VWDE: variants seen among roughly 807,000 people sequenced by gnomAD.
VWDE encodes the protein von Willebrand factor D and EGF domain-containing protein.
In VWDE, 207 loss-of-function variants were observed where a neutral mutation model predicts 178.4. The ratio of observed to expected loss-of-function variants is 1.16; its 90% CI spans 1.04 to 1.30. The LOEUF (loss-of-function observed/expected upper bound fraction) is 1.30. Ranked by LOEUF, VWDE falls within the 50% of genes most tolerant of loss-of-function variation. VWDE has a pLI of 0.00. For missense variants in VWDE, 2,287 were observed against 1,901.3 expected (o/e 1.20, Z -3.77); for synonymous variants, 738 against 651.4 (o/e 1.13, Z -2.02).
In VWDE at chr7:12,370,111, G is replaced by A; in HGVS notation, c.2195C>T (p.Thr732Ile). ...SLQYLANKKY[T>I]QGRGSHSQEM... ...TTGGCTGTGGCTTCCCCGGCCTTGT[G>A]TATATTTCTTATTGGCCAAATATTG... Residue 732 changes from threonine (T) to isoleucine (I), a missense_variant, in exon 12 of 29, where the codon ACA (threonine) becomes ATA (isoleucine). By Grantham distance (89) the Thr-to-Ile change is moderately conservative. Transcript: ENST00000275358. The A allele has an allele frequency of 1.9e-6, 3 of 1,551,450 alleles. No homozygotes were observed. Among genetic ancestry groups the A allele is most frequent in the South Asian group, 1.2e-5 (1 of 84,056 alleles).
chr7:12,362,095 G>C (rs1782613682), intron 13 of VWDE, among the ~76,000 whole-genome samples: 1 of 151,930 alleles, frequency 6.6e-6, no homozygotes, highest in Non-Finnish European at 1.5e-5. Context: ...GCCTCTGATG[G>C]CTTGAGTTGC....
Position 12,356,249 on chromosome 7 carries a change from G to T in VWDE, c.3607C>A (p.Leu1203Met). The T allele has an allele frequency of 3.9e-6, 6 of 1,551,418 alleles. No individual in the cohort carries two copies. The highest frequency in any genetic ancestry group is 4.4e-6 in the Non-Finnish European group (5 of 1,146,976). The stretch of plus-strand genomic sequence containing the variant: ...TGGAAGCCAGGCAAGCAGACACACA[G>T]GTACACTCCACTCCCTGGAGAAAAG... ...RNFSPGSGVYLCVCLPGFHGS... is the reference protein window; with the variant it reads ...RNFSPGSGVYMCVCLPGFHGS... Residue 1203 changes from leucine to methionine, a missense_variant, in exon 18 of 29, where the codon CTG (leucine) becomes ATG (methionine). Transcript: ENST00000275358.
chr7:12,380,473 T>C lies in VWDE; in HGVS notation c.789+13A>G. On this transcript the variant is annotated intron_variant, in intron 5 of 28. Transcript: ENST00000275358. ...CATTCATGAAAATAAAATGCAACTG[T>C]TTTTTAACATACCCTGTCTCCAAGT... 6.5e-7 allele frequency: 1 copy of C among 1,544,548 alleles called. No individual in the cohort carries two copies. The highest frequency in any genetic ancestry group is 8.7e-7 in the Non-Finnish European group (1 of 1,144,152).
intron 25 of VWDE, 34 bp downstream of exon 25, chr7:12,337,143 C>T: frequency 5.8e-6 from 9 of 1,551,026 alleles, no homozygotes; most frequent in Non-Finnish European, 7.9e-6. Flanking sequence ...TTGGCTTTAG[C>T]TGTAGTTGAC....
At position 12,342,886 on chromosome 7, in the gene VWDE, T is replaced by C. The variant is rs371967778; in HGVS notation, c.4174+197A>G. Among the ~76,000 whole-genome samples the C allele has an allele frequency of 4.8e-4, 67 of 140,218 alleles. 1 individual carries two copies. Among genetic ancestry groups the C allele is most frequent in the African/African-American group, 1.7e-3 (65 of 38,252 alleles). The allele number at this position is 140,218 out of a possible 152,430, so 92.0% of individuals were successfully genotyped here. ...TGTGATGTTCCCCTTCCTGTGTCCA[T>C]GTGATCCCATTGTTCAATTCCCACC... On this transcript the variant is annotated intron_variant, in intron 22 of 28. Coordinates refer to ENST00000275358, the MANE Select transcript of VWDE (RefSeq NM_001135924.3).
chr7:12,337,136 G>A (rs936915999), intron 25 of VWDE, 41 bp downstream of exon 25: 7 of 1,551,064 alleles, frequency 4.5e-6, no homozygotes, highest in South Asian at 3.6e-5. Context: ...TTTTGTCTTG[G>A]CTTTAGCTGT....
chr7:12,379,576 TA>T lies in VWDE; in HGVS notation c.790-11del. On this transcript the variant is annotated splice_polypyrimidine_tract_variant and intron_variant, in intron 5 of 28. Transcript: ENST00000275358. ...AAGCGCTGCAGAATATCTATGGATATAATTAAAAAATAATCACTTAGAAATT... is the reference window on the plus strand; with the variant it reads ...AAGCGCTGCAGAATATCTATGGATATATTAAAAAATAATCACTTAGAAATT... 2.0e-6 allele frequency: 3 copies of T among 1,519,544 alleles called. No homozygotes were observed. The highest frequency in any genetic ancestry group is 1.8e-6 in the Non-Finnish European group (2 of 1,132,402). 94.1% of individuals were successfully genotyped at this position (1,519,544 alleles called of 1,614,324 possible). A position where few individuals can be genotyped will look rare whatever the true frequency, so the allele number is the denominator to read the frequency against.
At position 12,355,329 on chromosome 7, in the gene VWDE, T is replaced by C. The variant is rs185376580; in HGVS notation, c.3745+782A>G. ...CACTCGGGAGGCTGAGGCAAGAGAA[T>C]GGCGTGAACCCAGGAGGCGGAGCTT... On this transcript the variant is annotated intron_variant, in intron 18 of 28. Transcript: ENST00000275358. Among the ~76,000 whole-genome samples, 1,243 of 150,270 alleles carry C rather than the reference T, an allele frequency of 8.3e-3. 12 individuals carry two copies. The highest frequency in any genetic ancestry group is 0.034 in the Middle Eastern group (10 of 292).
chr7:12,383,198 G>A (rs535986369), intron 4 of VWDE, among the ~76,000 whole-genome samples: 9 of 151,888 alleles, frequency 5.9e-5, no homozygotes, highest in East Asian at 1.9e-4. Flanking sequence ...TATTGTGTTC[G>A]CACACTTCCC....
At chr7:12,336,280 T>C in intron 26 of VWDE, 44 bp from the exon 27 acceptor site, 1 of 1,482,942 alleles carries the variant, frequency 6.7e-7, no homozygotes, top group Non-Finnish European at 9.2e-7. Context: ...AAATTACTAG[T>C]CAAATCCTAT....
intron 6 of VWDE, among the ~76,000 whole-genome samples, 161 bp downstream of exon 6, chr7:12,379,316 A>G (rs1206957053): frequency 6.6e-6 from 1 of 152,184 alleles, no homozygotes; most frequent in Non-Finnish European, 1.5e-5. Flanking sequence ...TTTGTTGCGC[A>G]TTAGAATTAC....
intron 19 of VWDE, among the ~76,000 whole-genome samples, chr7:12,351,298 A>C (rs934893074): frequency 6.6e-6 from 1 of 152,184 alleles, no homozygotes. Context: ...TTTATAAAAT[A>C]TAAGTTTGAA....
chr7:12,387,340 A>G (rs1784152407), intron 3 of VWDE, among the ~76,000 whole-genome samples: 1 of 152,052 alleles, frequency 6.6e-6, no homozygotes, highest in Non-Finnish European at 1.5e-5. Flanking sequence ...TTATGAAAAA[A>G]GATTGCATTA....
intron 15 of VWDE, among the ~76,000 whole-genome samples, chr7:12,359,983 C>G (rs1244062996): frequency 6.6e-6 from 1 of 152,064 alleles, no homozygotes; most frequent in Non-Finnish European, 1.5e-5. Context: ...TGGTATTTTT[C>G]ACTGCTAAAC....
intron 12 of VWDE, among the ~76,000 whole-genome samples, chr7:12,368,168 C>A (rs1179050308): frequency 6.9e-6 from 1 of 144,620 alleles, no homozygotes; most frequent in Non-Finnish European, 1.5e-5. Context: ...ATTCTAGGTA[C>A]TGGGGATGTA....
In VWDE at chr7:12,351,587, C is replaced by T; in HGVS notation, c.3872G>A (p.Ser1291Asn). 1 of 1,548,638 alleles carries T rather than the reference C, an allele frequency of 6.5e-7. No homozygotes were observed. Among genetic ancestry groups the T allele is most frequent in the East Asian group, 2.5e-5 (1 of 40,770 alleles). Residue 1291 changes from serine to asparagine, a missense_variant, in exon 19 of 29, where the codon AGT (serine) becomes AAT (asparagine). Coordinates refer to ENST00000275358, the MANE Select transcript of VWDE (RefSeq NM_001135924.3). ...CCATTACTTACTGAAGGCATTTCCACTTGTTGGCTTAACATGCCTCTTTCT... is the reference window on the plus strand; with the variant it reads ...CCATTACTTACTGAAGGCATTTCCATTTGTTGGCTTAACATGCCTCTTTCT... ...QGRKRHVKPT[S>N]GNAFTICKYP...
At chr7:12,381,492 A>C (rs940137639) in intron 4 of VWDE, among the ~76,000 whole-genome samples, 1 of 152,114 alleles carries the variant, frequency 6.6e-6, no homozygotes, top group Non-Finnish European at 1.5e-5. Flanking sequence ...TTTTAGGAAA[A>C]TCACAAAATA....
intron 19 of VWDE, among the ~76,000 whole-genome samples, chr7:12,350,344 TTG>T (rs1335337479): frequency 6.6e-6 from 1 of 152,058 alleles, no homozygotes; most frequent in Admixed American, 6.6e-5. Flanking sequence ...ATTTTAAATA[TTG>T]TGAGAAAATT....
In VWDE at chr7:12,347,836, A is replaced by C. The variant is rs558230938; in HGVS notation, c.3887-3367T>G. Among the ~76,000 whole-genome samples the C allele has an allele frequency of 9.9e-5, 15 of 152,224 alleles. No individual in the cohort carries two copies. In the East Asian group the frequency reaches 2.5e-3, roughly 25 times the overall value. On this transcript the variant is annotated intron_variant, in intron 19 of 28. Transcript: ENST00000275358. ...TGACTTCAAACTATACTACAAGGCTACAGTAACCAAAACAGCATGGCACTG... is the reference window on the plus strand; with the variant it reads ...TGACTTCAAACTATACTACAAGGCTCCAGTAACCAAAACAGCATGGCACTG...
Sources: gnomAD v4.1 joint callset for allele counts (sites outside exome capture counted in the v4.1 genomes callset) on GRCh38, gnomAD v4.1.1 for gene constraint, MANE v1.5 for transcripts, NCBI Gene and HGNC (gene_info 2026-07-23, HGNC 2026-07-21) for gene names.